The following RBFOX1 variants were observed in gnomAD, a reference collection of about 807,000 sequenced individuals.
RBFOX1 encodes RNA binding fox-1 homolog 1, also known as RNA binding protein fox-1 homolog 1.
RBFOX1 carries 8 observed loss-of-function variants against 57.7 expected under a neutral mutation model. The observed-to-expected ratio is 0.14, with a 90% confidence interval of 0.08 to 0.25. RBFOX1 has a LOEUF of 0.25. Ranked by LOEUF, RBFOX1 falls within the 10% of genes least tolerant of loss-of-function variation. The pLI, the probability that RBFOX1 is intolerant of heterozygous loss-of-function variation, is 1.00. For missense variants in RBFOX1, 611 were observed against 548.5 expected, an observed-to-expected ratio of 1.11 and a Z score of -1.14; for synonymous variants, 326 against 222.4, an observed-to-expected ratio of 1.47 and a Z score of -4.15.
chr16:6,125,917 G>T (rs1010985105), intron 1 of RBFOX1, among the ~76,000 whole-genome samples: 5 of 152,234 alleles, frequency 3.3e-5, no homozygotes, highest in African/African-American at 9.6e-5. Flanking sequence ...GTGATTTCCA[G>T]TTAAATACCT....
intron 3 of RBFOX1, among the ~76,000 whole-genome samples, chr16:5,817,288 T>C (rs1454332848): frequency 6.6e-6 from 1 of 152,202 alleles, no homozygotes; most frequent in African/African-American, 2.4e-5. Flanking sequence ...TTGAAATCCA[T>C]ATTCTTCTCC....
intron 4 of RBFOX1, among the ~76,000 whole-genome samples, chr16:7,360,528 C>G (rs371624669): frequency 1.3e-5 from 2 of 152,142 alleles, no homozygotes; most frequent in African/African-American, 4.8e-5. Context: ...TCAGAAAACC[C>G]AGGAAGGTAA....
chr16:7,371,060 C>A (rs987550881), intron 4 of RBFOX1, among the ~76,000 whole-genome samples: 1 of 152,156 alleles, frequency 6.6e-6, no homozygotes, highest in African/African-American at 2.4e-5. Flanking sequence ...TTCTCCTCTC[C>A]TCTAAGCACC....
At chr16:6,239,043 G>A (rs62015132) in intron 1 of RBFOX1, among the ~76,000 whole-genome samples, 12,875 of 151,576 alleles carry the variant, frequency 0.085, 723 homozygotes, top group African/African-American at 0.15. Context: ...TTTTTTACAA[G>A]CTCCTTAGTT....
chr16:7,527,424 G>A (rs1481972101), intron 5 of RBFOX1, among the ~76,000 whole-genome samples: 1 of 152,142 alleles, frequency 6.6e-6, no homozygotes. Flanking sequence ...GCCAGGAACA[G>A]GATATCTCTG....
In RBFOX1 at chr16:7,131,414, T is replaced by C. The variant is rs557553833; in HGVS notation, c.27+79316T>C. 2.1e-4 allele frequency among the ~76,000 whole-genome samples: 31 copies of C among 148,978 alleles called. No individual in the cohort carries two copies. The East Asian group carries it at 3.0e-3, about 14-fold the overall frequency. On this transcript the variant is annotated intron_variant, in intron 4 of 15. Coordinates refer to ENST00000550418, the MANE Select transcript of RBFOX1 (RefSeq NM_018723.4). ...GTTCTGCTTAGTCAGTGCCTACTTA[T>C]GTTTTAAGTTATAGTTGGCCACTTT...
At chr16:6,231,898 A>T (rs1030778753) in intron 1 of RBFOX1, among the ~76,000 whole-genome samples, 1 of 131,768 alleles carries the variant, frequency 7.6e-6, no homozygotes, top group East Asian at 2.2e-4. Flanking sequence ...ACAATGAGGG[A>T]GGAAAATAAA....
chr16:6,533,973 A>G (rs2096699515), intron 2 of RBFOX1, among the ~76,000 whole-genome samples: 1 of 152,220 alleles, frequency 6.6e-6, no homozygotes, highest in Non-Finnish European at 1.5e-5. Context: ...TATTATATAT[A>G]TGTGTGTATA....
intron 4 of RBFOX1, among the ~76,000 whole-genome samples, chr16:7,253,815 C>G (rs964438849): frequency 1.3e-5 from 2 of 152,144 alleles, no homozygotes; most frequent in Non-Finnish European, 2.9e-5. Flanking sequence ...TTCCTTGTGT[C>G]TCCAACACTG....
chr16:5,425,864 C>T (rs2067543827), intron 1 of RBFOX1, among the ~76,000 whole-genome samples: 2 of 152,150 alleles, frequency 1.3e-5, no homozygotes, highest in South Asian at 4.1e-4. Flanking sequence ...AAGCTTTCTG[C>T]TCCTGGTAGA....
chr16:6,039,879 C>T (rs539996718), intron 1 of RBFOX1, among the ~76,000 whole-genome samples: 1 of 152,326 alleles, frequency 6.6e-6, no homozygotes, highest in South Asian at 2.1e-4. Flanking sequence ...GAGGATGTCT[C>T]CAGGCTCACC....
chr16:7,298,130 T>C (rs1346150578), intron 4 of RBFOX1, among the ~76,000 whole-genome samples: 4 of 152,178 alleles, frequency 2.6e-5, no homozygotes, highest in Non-Finnish European at 5.9e-5. Flanking sequence ...CCCCGCATTC[T>C]TTTTAACTGG....
chr16:6,135,380 C>T (rs145869994), intron 1 of RBFOX1, among the ~76,000 whole-genome samples: 2 of 152,114 alleles, frequency 1.3e-5, no homozygotes, highest in African/African-American at 4.8e-5. Flanking sequence ...CCATAGAATT[C>T]AGTGCAGGTA....
chr16:6,520,723 G>GA (rs1166966444), intron 2 of RBFOX1, among the ~76,000 whole-genome samples: 1 of 152,158 alleles, frequency 6.6e-6, no homozygotes, highest in Non-Finnish European at 1.5e-5. Flanking sequence ...GACACCCTTA[G>GA]AACCTCTAAG....
chr16:5,307,603 C>A (rs539368747), intron 1 of RBFOX1, among the ~76,000 whole-genome samples: 11 of 152,234 alleles, frequency 7.2e-5, no homozygotes, highest in Middle Eastern at 3.2e-3. Flanking sequence ...TGATCTCACA[C>A]ACACCGGGAA....
intron 1 of RBFOX1, among the ~76,000 whole-genome samples, chr16:5,322,091 A>G (rs2057493253): frequency 6.6e-6 from 1 of 152,040 alleles, no homozygotes; most frequent in Admixed American, 6.6e-5. Flanking sequence ...TATAACCGGG[A>G]CCTGAACCCT....
Position 7,532,556 on chromosome 16 carries a change from C to G in RBFOX1, c.270+14167C>G, listed in dbSNP as rs531348276. On this transcript the variant is annotated intron_variant, in intron 5 of 15. Transcript: ENST00000550418. ...GGGCGTTGGCCATCTTTCTCCTTGC[C>G]TAGTCTAGCTGTGGATGGGGCCCAG... is the stretch of plus-strand genomic sequence containing the variant. 2.6e-5 allele frequency among the ~76,000 whole-genome samples: 4 copies of G among 152,342 alleles called. No individual in the cohort carries two copies. The South Asian group carries it at 8.3e-4, about 32-fold the overall frequency.
At chr16:6,689,788 C>T (rs913710729) in intron 3 of RBFOX1, among the ~76,000 whole-genome samples, 3 of 152,166 alleles carry the variant, frequency 2.0e-5, no homozygotes, top group African/African-American at 7.2e-5. Context: ...CTCCGTCTTC[C>T]TACGGGGAGA....
chr16:5,581,096 C>T (rs2046649495), intron 2 of RBFOX1, among the ~76,000 whole-genome samples: 1 of 152,178 alleles, frequency 6.6e-6, no homozygotes. Context: ...TCCACGTAGC[C>T]ACCATTGTAG....
Sources: gnomAD v4.1 joint callset for allele counts (sites outside exome capture counted in the v4.1 genomes callset) on GRCh38, gnomAD v4.1.1 for gene constraint, MANE v1.5 for transcripts, NCBI Gene and HGNC (gene_info 2026-07-23, HGNC 2026-07-21) for gene names.